USP42: variants seen among roughly 807,000 people sequenced by gnomAD.
USP42 encodes the protein ubiquitin carboxyl-terminal hydrolase 42.
A neutral mutation model predicts 113.0 loss-of-function variants in USP42; 23 were observed. That is an observed-to-expected ratio of 0.20 (90% CI 0.15 to 0.29). The LOEUF (loss-of-function observed/expected upper bound fraction) is 0.29, where lower values mean the gene tolerates loss of function less well. Ranked by LOEUF, USP42 falls within the 10% of genes least tolerant of loss-of-function variation. USP42 has a pLI of 1.00. For missense variants in USP42, 2,174 were observed against 1,779.8 expected (o/e 1.22, Z -3.99); for synonymous variants, 933 against 699.0 (o/e 1.33, Z -5.28).
rs550444398 is a variant in USP42 at position 6,154,350 on chromosome 7, C to G, written c.2796C>G (p.Ala932=). 1 of 1,573,534 alleles carries G rather than the reference C, an allele frequency of 6.4e-7. No individual in the cohort carries two copies. The highest frequency in any genetic ancestry group is 2.4e-5 in the East Asian group (1 of 42,238). ...TCGAGGACGCCGCGGCGCCGAAAGC[C>G]CCAGGCCCTTCCCCAGCGAAGGAGA... ...ERVEDAAAPK[A]PGPSPAKEKI... is the part of the protein sequence containing the mutation. Residue 932 remains alanine (A), a synonymous_variant, in exon 15 of 18, where the codon GCC becomes GCG. Coordinates refer to ENST00000306177, the MANE Select transcript of USP42 (RefSeq NM_032172.3).
intron 3 of USP42, among the ~76,000 whole-genome samples, chr7:6,133,872 T>G (rs1167093868): frequency 1.3e-5 from 2 of 150,654 alleles, no homozygotes; most frequent in Non-Finnish European, 2.9e-5. Flanking sequence ...GATTTGCATC[T>G]ATTTCCATGT....
chr7:6,149,877 T>C lies in USP42; in HGVS notation c.1681T>C (p.Ser561Pro), dbSNP rs1195939347. The C allele has an allele frequency of 6.2e-7, 1 of 1,614,044 alleles. No individual in the cohort carries two copies. Among genetic ancestry groups the C allele is most frequent in the East Asian group, 2.2e-5 (1 of 44,894 alleles). Residue 561 changes from serine (S) to proline (P), a missense_variant, in exon 13 of 18, where the codon TCT becomes CCT. Transcript: ENST00000306177. ...CGTTCCCTCTTCTACCATTACCAAT[T>C]CTGCAGTACAGTCTACCTCGAACGC... The part of the protein sequence containing the change: ...KPVPSSTITN[S>P]AVQSTSNAST...
At chr7:6,130,509 T>C (rs1055945888) in intron 3 of USP42, among the ~76,000 whole-genome samples, 1 of 152,072 alleles carries the variant, frequency 6.6e-6, no homozygotes, top group African/African-American at 2.4e-5. Context: ...AAATCTGGGC[T>C]CCCCACATGA....
chr7:6,130,631 C>T (rs1478843910), intron 3 of USP42, among the ~76,000 whole-genome samples: 1 of 152,194 alleles, frequency 6.6e-6, no homozygotes, highest in Non-Finnish European at 1.5e-5. Flanking sequence ...TGCCTTGCTA[C>T]AGCCTGTTGA....
rs1782717632 is a variant in USP42, at chr7:6,160,546, G to C, written c.*37-9G>C. The C allele has an allele frequency of 6.6e-6, 1 of 152,666 alleles. No homozygotes were observed. The highest frequency in any genetic ancestry group is 2.1e-4 in the South Asian group (1 of 4,836). The allele number at this position is 152,666 out of a possible 1,614,324, so 9.5% of individuals were successfully genotyped here. A position where few individuals can be genotyped will look rare whatever the true frequency, so the allele number is the denominator to read the frequency against. ...CCAACTCACTAACCCTGCGCCTCTT[G>C]TCTTTCAGATTCAACGCGTTCAACA... On this transcript the variant is annotated splice_polypyrimidine_tract_variant and intron_variant, in intron 17 of 17. Coordinates refer to ENST00000306177, the MANE Select transcript of USP42 (RefSeq NM_032172.3).
At chr7:6,148,858 A>C (rs1781869552) in intron 12 of USP42, among the ~76,000 whole-genome samples, 1 of 152,220 alleles carries the variant, frequency 6.6e-6, no homozygotes, top group South Asian at 2.1e-4. Flanking sequence ...CCAGAGTGAC[A>C]TCAGGACTCT....
At chr7:6,145,451 C>T in intron 9 of USP42, 65 bp from the exon 10 acceptor site, 1 of 1,601,946 alleles carries the variant, frequency 6.2e-7, no homozygotes, top group Admixed American at 1.7e-5. Context: ...TAAGTACCCT[C>T]TACCTGAATA....
intron 6 of USP42, 102 bp downstream of exon 6, chr7:6,140,297 T>G: frequency 5.4e-5 from 54 of 1,007,250 alleles, no homozygotes; most frequent in Non-Finnish European, 7.4e-5. Context: ...GGAAAAGTGC[T>G]TCTCTCCAGC....
chr7:6,135,018 G>C (rs555964471), intron 3 of USP42, among the ~76,000 whole-genome samples: 43 of 152,214 alleles, frequency 2.8e-4, no homozygotes, highest in African/African-American at 1.0e-3. Context: ...TCAAACTCTT[G>C]GCCCCAAGAG....
At chr7:6,135,618 C>G (rs2128499453) in intron 3 of USP42, among the ~76,000 whole-genome samples, 1 of 131,922 alleles carries the variant, frequency 7.6e-6, no homozygotes, top group African/African-American at 2.9e-5. Context: ...CACCACTGCA[C>G]TCCAGCCTGG....
chr7:6,137,999 A>C (rs938149890), intron 4 of USP42, among the ~76,000 whole-genome samples: 2 of 152,190 alleles, frequency 1.3e-5, no homozygotes, highest in East Asian at 3.8e-4. Context: ...ATTTTTATAC[A>C]TATTTATATA....
intron 3 of USP42, among the ~76,000 whole-genome samples, chr7:6,132,679 G>A (rs1780915948): frequency 6.7e-6 from 1 of 149,836 alleles, no homozygotes; most frequent in African/African-American, 2.5e-5. Context: ...TTGTTTGTTT[G>A]TTTGTTTTTT....
chr7:6,103,144 G>A (rs1450397785), upstream of USP42, among the ~76,000 whole-genome samples: 2 of 151,058 alleles, frequency 1.3e-5, no homozygotes, highest in Non-Finnish European at 2.9e-5. Flanking sequence ...AACTAGCTCT[G>A]TTAGGCCTCG....
At chr7:6,137,708 C>T (rs1235991218) in intron 4 of USP42, among the ~76,000 whole-genome samples, 1 of 151,992 alleles carries the variant, frequency 6.6e-6, no homozygotes, top group African/African-American at 2.4e-5. Flanking sequence ...GAGATGGAGT[C>T]TCACTCTGTC....
chr7:6,127,096 C>G (rs1428305257), intron 3 of USP42, among the ~76,000 whole-genome samples: 1 of 152,184 alleles, frequency 6.6e-6, no homozygotes, highest in Non-Finnish European at 1.5e-5. Flanking sequence ...TATTGAACAT[C>G]TTTTCATGTG....
At chr7:6,135,458 G>A (rs1781080111) in intron 3 of USP42, among the ~76,000 whole-genome samples, 1 of 151,728 alleles carries the variant, frequency 6.6e-6, no homozygotes, top group Non-Finnish European at 1.5e-5. Flanking sequence ...GGCCAGCCTG[G>A]CTAACATGGT....
At chr7:6,136,802 G>T (rs1781175457) in intron 4 of USP42, among the ~76,000 whole-genome samples, 1 of 151,132 alleles carries the variant, frequency 6.6e-6, no homozygotes, top group Non-Finnish European at 1.5e-5. Context: ...TCTTTTTTCG[G>T]TTCTTCTTTT....
the USP42 span, among the ~76,000 whole-genome samples, chr7:6,087,587 T>G: frequency 6.6e-6 from 1 of 150,822 alleles, no homozygotes; most frequent in African/African-American, 2.5e-5. Flanking sequence ...TCCACCCGCT[T>G]CGGCCTCCCA....
At position 6,158,156 on chromosome 7, in the gene USP42, A is replaced by C. The variant is rs1040052619; in HGVS notation, c.3943+1101A>C. Among the ~76,000 whole-genome samples the C allele has an allele frequency of 6.6e-6, 1 of 152,252 alleles. No homozygotes were observed. Among genetic ancestry groups the C allele is most frequent in the Non-Finnish European group, 1.5e-5 (1 of 68,050 alleles). On this transcript the variant is annotated intron_variant, in intron 16 of 17. Transcript: ENST00000306177. This position sits in a 1 kb window ranked among gnomAD's most constrained non-coding sequence, Gnocchi z 4.2. ...ATGCGTTTCACATGAAAATGATGTGAAATTCAGACCTCAGTGTCTGTGGCT... is the reference window on the plus strand; with the variant it reads ...ATGCGTTTCACATGAAAATGATGTGCAATTCAGACCTCAGTGTCTGTGGCT...
Sources: gnomAD v4.1 joint callset for allele counts (sites outside exome capture counted in the v4.1 genomes callset) on GRCh38, gnomAD v4.1.1 for gene constraint, Gnocchi (gnomAD v3.1) non-coding constraint, MANE v1.5 for transcripts, NCBI Gene and HGNC (gene_info 2026-07-23, HGNC 2026-07-21) for gene names.